MAN1B1: variants seen among roughly 807,000 people sequenced by gnomAD.
The protein encoded by MAN1B1 is endoplasmic reticulum mannosyl-oligosaccharide 1,2-alpha-mannosidase.
MAN1B1 carries 66 observed loss-of-function variants against 75.5 expected under a neutral mutation model. The observed-to-expected ratio is 0.87, with a 90% CI of 0.72 to 1.07. MAN1B1 has a LOEUF of 1.07. MAN1B1 is among the 50% of genes least tolerant of loss of function. MAN1B1 has a pLI of 0.00. For missense variants in MAN1B1, 973 were observed against 912.5 expected, an observed-to-expected ratio of 1.07 and a Z score of -0.85; for synonymous variants, 453 against 382.8, an observed-to-expected ratio of 1.18 and a Z score of -2.14.
At chr9:137,102,673 CAT>C in intron 8 of MAN1B1, 2 of 448,376 alleles carry the variant, frequency 4.5e-6, no homozygotes, top group Admixed American at 4.8e-5. Flanking sequence ...GTGTTACACA[CAT>C]TCACACTGTT....
chr9:137,089,334 G>A, intron 3 of MAN1B1: 1 of 397,942 alleles, frequency 2.5e-6, no homozygotes, highest in South Asian at 2.1e-5. Flanking sequence ...ATGGCACATG[G>A]TGTACATCCT....
chr9:137,101,839 G>A, intron 8 of MAN1B1, 167 bp downstream of exon 8: 1 of 869,836 alleles, frequency 1.1e-6, no homozygotes, highest in Non-Finnish European at 1.9e-6. Flanking sequence ...CGTGGTCGGT[G>A]GTGTTACATT....
intron 3 of MAN1B1, among the ~76,000 whole-genome samples, chr9:137,093,091 T>G (rs187133811): frequency 6.6e-6 from 1 of 152,298 alleles, no homozygotes; most frequent in Non-Finnish European, 1.5e-5. Context: ...AAAATGTTAT[T>G]GAAAAGAGAT....
chr9:137,104,227 T>C (rs1342355727), intron 8 of MAN1B1: 1 of 366,494 alleles, frequency 2.7e-6, no homozygotes, highest in Non-Finnish European at 5.3e-6. Context: ...TCACACACGA[T>C]TTGTCCTTTT....
Position 137,088,675 on chromosome 9 carries a change from C to T in MAN1B1, c.329-194C>T. 5.4e-6 allele frequency: 4 copies of T among 744,930 alleles called. No individual in the cohort carries two copies. In the Admixed American group the frequency reaches 9.3e-5, roughly 17 times the overall value. The allele number at this position is 744,930 out of a possible 1,614,324, so 46.1% of individuals were successfully genotyped here. A position where few individuals can be genotyped will look rare whatever the true frequency, so the allele number is the denominator to read the frequency against. ...AAGATGTGGGGTTCTGTGTTATGGA[C>T]AAGGACACAAACTGCCAAGTGTTTT... On this transcript the variant is annotated intron_variant, in intron 2 of 12. Coordinates refer to ENST00000371589, the MANE Select transcript of MAN1B1 (RefSeq NM_016219.5).
At position 137,087,164 on chromosome 9, in the gene MAN1B1, C is replaced by T. The variant is rs1307861675; in HGVS notation, c.165C>T (p.Ser55=). 1.3e-6 allele frequency: 2 copies of T among 1,595,090 alleles called. No homozygotes were observed. Among genetic ancestry groups the T allele is most frequent in the Non-Finnish European group, 1.7e-6 (2 of 1,171,892 alleles). Residue 55 remains serine (S), a synonymous_variant, in exon 1 of 13, where the codon AGC becomes AGT. Coordinates refer to ENST00000371589, the MANE Select transcript of MAN1B1 (RefSeq NM_016219.5). The part of the protein sequence containing the change: ...PHRDFISVTL[S]FGENYDNSKS... Reference sequence around the variant, plus strand: ...GGGACTTCATCTCGGTGACGCTGAGCTTTGGCGAGAACTATGACAACAGCA... The same window carrying T: ...GGGACTTCATCTCGGTGACGCTGAGTTTTGGCGAGAACTATGACAACAGCA...
In MAN1B1 at chr9:137,088,139, T is replaced by C; in HGVS notation, c.284T>C (p.Phe95Ser). 6.2e-7 allele frequency: 1 copy of C among 1,614,220 alleles called. No individual in the cohort carries two copies. Among genetic ancestry groups the C allele is most frequent in the East Asian group, 2.2e-5 (1 of 44,892 alleles). ...CTCTTCCTCCTTGCCTTTCTGCTTT[T>C]CTGTGGACTCCTCTTCTACATCAAC... The part of the protein sequence containing the change: ...MILFLLAFLL[F>S]CGLLFYINLA... The change falls in exon 2 of 13, where the codon TTC becomes TCC. Residue 95 changes from phenylalanine to serine, a missense_variant. Coordinates refer to ENST00000371589, the MANE Select transcript of MAN1B1 (RefSeq NM_016219.5).
chr9:137,094,115 A>C (rs1022960631), intron 3 of MAN1B1, among the ~76,000 whole-genome samples: 1 of 151,200 alleles, frequency 6.6e-6, no homozygotes, highest in African/African-American at 2.4e-5. Flanking sequence ...CTCGGGTTCA[A>C]GTGATTCTCC....
rs145906530 is a variant in MAN1B1 at position 137,099,733 on chromosome 9, C to T, written c.768C>T (p.Val256=). The part of the protein sequence containing the change: ...LNYRQKGVID[V]FLHAWKGYRK... ...ATCGCCAGAAGGGCGTGATTGACGTCTTCCTGCATGCATGGAAAGGATACC... is the reference window on the plus strand; with the variant it reads ...ATCGCCAGAAGGGCGTGATTGACGTTTTCCTGCATGCATGGAAAGGATACC... The change falls in exon 6 of 13, where the codon GTC becomes GTT. Residue 256 remains valine (V), a synonymous_variant. Coordinates refer to ENST00000371589, the MANE Select transcript of MAN1B1 (RefSeq NM_016219.5). The T allele has an allele frequency of 1.4e-4, 223 of 1,614,246 alleles. 2 individuals are homozygous for T. The highest frequency in any genetic ancestry group is 3.8e-4 in the Admixed American group (23 of 60,034).
At position 137,108,535 on chromosome 9, in the gene MAN1B1, G is replaced by T; in HGVS notation, c.2044G>T (p.Asp682Tyr). ...FSDDPNLLSL[D>Y]AYVFNTEAHP... ...CGATGACCCAAACCTGCTCAGCCTG[G>T]ATGCCTACGTGTTCAACACCGAAGC... Residue 682 changes from aspartate (D) to tyrosine (Y), a missense_variant, in exon 13 of 13, where the codon GAT becomes TAT. By Grantham distance (160) the Asp-to-Tyr change is radical (BLOSUM62 -3). Transcript: ENST00000371589. 6.2e-7 allele frequency: 1 copy of T among 1,613,988 alleles called. No individual in the cohort carries two copies. The highest frequency in any genetic ancestry group is 8.5e-7 in the Non-Finnish European group (1 of 1,180,016).
chr9:137,107,214 C>A, intron 10 of MAN1B1, 36 bp from the exon 11 acceptor site: 1 of 1,605,470 alleles, frequency 6.2e-7, no homozygotes, highest in Non-Finnish European at 8.5e-7. Flanking sequence ...AGGGCAGGGC[C>A]TGGGATCTGG....
rs748988185 is a variant in MAN1B1 at position 137,088,157 on chromosome 9, A to G, written c.302A>G (p.Tyr101Cys). Residue 101 changes from tyrosine to cysteine, a missense_variant, in exon 2 of 13, where the codon TAC becomes TGC. Transcript: ENST00000371589. The stretch of plus-strand genomic sequence containing the variant: ...CTGCTTTTCTGTGGACTCCTCTTCT[A>G]CATCAACTTGGCTGACCATTGGAAA... ...AFLLFCGLLFYINLADHWKAL... is the reference protein window; with the variant it reads ...AFLLFCGLLFCINLADHWKAL... 37 of 1,614,178 alleles carry G rather than the reference A, an allele frequency of 2.3e-5. No homozygotes were observed. The highest frequency in any genetic ancestry group is 4.4e-5 in the South Asian group (4 of 91,082).
intron 9 of MAN1B1, 83 bp downstream of exon 9, chr9:137,106,398 G>GCCCCCGCTCCTGCTGC (rs1425970009): frequency 6.2e-6 from 8 of 1,290,350 alleles, no homozygotes; most frequent in Middle Eastern, 2.6e-4. Context: ...AGCTCCCACG[G>GCCCCCGCTCCTGCTGC]CCCCCGCTCC....
chr9:137,088,283 A>G (rs1830428911), intron 2 of MAN1B1, 100 bp downstream of exon 2: 2 of 1,611,766 alleles, frequency 1.2e-6, no homozygotes, highest in Non-Finnish European at 1.7e-6. Flanking sequence ...GGAGGCATAT[A>G]TGGCAACGAA....
At chr9:137,096,076 C>T (rs1362727823) in intron 3 of MAN1B1, among the ~76,000 whole-genome samples, 161 bp from the exon 4 acceptor site, 1 of 152,192 alleles carries the variant, frequency 6.6e-6, no homozygotes, top group Non-Finnish European at 1.5e-5. Context: ...AAGGAGCTGT[C>T]TTCTGAAGCT....
At chr9:137,106,500 C>T (rs541221646) in intron 9 of MAN1B1, 185 bp downstream of exon 9, 4 of 998,742 alleles carry the variant, frequency 4.0e-6, no homozygotes, top group Non-Finnish European at 6.0e-6. Flanking sequence ...ATTCACCTCT[C>T]ACCGTGGCCT....
chr9:137,089,827 T>C (rs937197301), intron 3 of MAN1B1, among the ~76,000 whole-genome samples: 3 of 151,946 alleles, frequency 2.0e-5, no homozygotes, highest in African/African-American at 7.3e-5. Context: ...CAGCAAAGGC[T>C]GTGCAGGCTC....
intron 12 of MAN1B1, 160 bp from the exon 13 acceptor site, chr9:137,108,228 C>T: frequency 1.5e-6 from 1 of 682,952 alleles, no homozygotes; most frequent in Non-Finnish European, 2.6e-6. Context: ...TCCGGTGGAA[C>T]CACACGGCTC....
chr9:137,095,554 A>G (rs1354525462), intron 3 of MAN1B1, among the ~76,000 whole-genome samples: 1 of 152,138 alleles, frequency 6.6e-6, no homozygotes. Flanking sequence ...CCCTGTCTCT[A>G]TAGTAATAAT....
Sources: allele counts gnomAD v4.1 joint callset (sites outside exome capture counted in the v4.1 genomes callset), GRCh38; gene constraint gnomAD v4.1.1; transcripts MANE v1.5; gene names NCBI Gene and HGNC (gene_info 2026-07-23, HGNC 2026-07-21).